Variants in EIF5B observed in about 807,000 individuals in gnomAD.
The protein encoded by EIF5B is eIF-5B.
In EIF5B, 47 loss-of-function variants were observed where a neutral mutation model predicts 147.5. The ratio of observed to expected loss-of-function variants is 0.32; its 90% CI spans 0.25 to 0.41. The LOEUF is 0.41. Ranked by LOEUF, EIF5B falls within the 10% of genes least tolerant of loss-of-function variation. The probability of loss-of-function intolerance (pLI) is 1.00; values close to 1 mark genes in which losing one functional copy is unlikely to be tolerated. For missense variants in EIF5B, 1,064 were observed against 1,413.2 expected, an observed-to-expected ratio of 0.75 and a Z score of 3.96; for synonymous variants, 455 against 456.2, an observed-to-expected ratio of 1.00 and a Z score of 0.03.
chr2:99,376,479 G>T lies in EIF5B; in HGVS notation c.1685G>T (p.Gly562Val). ...EEEGESEGSE[G>V]DEEDEKVSDE... is the part of the protein sequence containing the mutation. The stretch of plus-strand genomic sequence containing the variant: ...GAGGGAGAAAGTGAAGGCAGTGAAG[G>T]TGATGAGGAAGATGAAAAGGTGTCA... Residue 562 changes from glycine to valine, a missense_variant, in exon 10 of 24, where the codon GGT becomes GTT. This residue lies in a region of EIF5B where 195 missense variants were observed against 186.3 expected (regional missense o/e 1.05). Transcript: ENST00000289371. 6.2e-7 allele frequency: 1 copy of T among 1,611,600 alleles called. No individual in the cohort carries two copies. The highest frequency in any genetic ancestry group is 8.5e-7 in the Non-Finnish European group (1 of 1,177,818).
chr2:99,358,592 C>T (rs1334307266), intron 1 of EIF5B, among the ~76,000 whole-genome samples: 2 of 152,184 alleles, frequency 1.3e-5, no homozygotes, highest in African/African-American at 2.4e-5. Flanking sequence ...TGGCTTCCCC[C>T]TCAGTTTCTG....
Position 99,359,747 on chromosome 2 carries a change from G to C in EIF5B, c.36-489G>C, listed in dbSNP as rs147825165. 9.9e-4 allele frequency among the ~76,000 whole-genome samples: 150 copies of C among 152,232 alleles called. 3 individuals are homozygous for C. The East Asian group carries it at 0.027, about 28-fold the overall frequency. ...GGACATTCAATCCTTGTGCATTTTA[G>C]TTTTCCCATTGGTAAAATGAGATAA... On this transcript the variant is annotated intron_variant, in intron 1 of 23. Transcript: ENST00000289371.
intron 1 of EIF5B, among the ~76,000 whole-genome samples, chr2:99,343,103 G>A (rs2094264189): frequency 6.6e-6 from 1 of 151,580 alleles, no homozygotes; most frequent in African/African-American, 2.4e-5. Flanking sequence ...TGGGACTACA[G>A]TGCCACCATG....
chr2:99,348,141 G>A (rs779242702), intron 1 of EIF5B, among the ~76,000 whole-genome samples: 8 of 152,136 alleles, frequency 5.3e-5, no homozygotes, highest in Non-Finnish European at 1.0e-4. Context: ...CAGATATTTA[G>A]AAAATAAAGG....
chr2:99,358,987 A>G (rs1240781225), intron 1 of EIF5B, among the ~76,000 whole-genome samples: 7 of 152,218 alleles, frequency 4.6e-5, no homozygotes, highest in Admixed American at 3.9e-4. Flanking sequence ...CCTTAAGGCT[A>G]AATTCTATAT....
Position 99,400,934 on chromosome 2 carries a change from G to A in EIF5B, c.*1520G>A, listed in dbSNP as rs1199660010. On this transcript the variant is annotated 3_prime_UTR_variant, in exon 24 of 24. Transcript: ENST00000289371. ...TGAGTTTTTAAGGATTCACAAAAAG[G>A]AGCCTGTACAAAATATACATACAGT... The A allele has an allele frequency of 6.0e-6, 1 of 167,766 alleles. No individual in the cohort carries two copies. The highest frequency in any genetic ancestry group is 1.3e-5 in the Non-Finnish European group (1 of 78,116). 10.4% of individuals were successfully genotyped at this position (167,766 alleles called of 1,614,324 possible).
At chr2:99,385,139 C>T (rs575677639) in intron 14 of EIF5B, among the ~76,000 whole-genome samples, 33 of 152,220 alleles carry the variant, frequency 2.2e-4, no homozygotes, top group African/African-American at 6.0e-4. Context: ...CTCTGCCTTC[C>T]GGGTTCAAGC....
At chr2:99,381,550 T>TGTGA (rs1420166760) in intron 12 of EIF5B, among the ~76,000 whole-genome samples, 1 of 151,780 alleles carries the variant, frequency 6.6e-6, no homozygotes, top group African/African-American at 2.4e-5. Context: ...TGTGTGTGTG[T>TGTGA]GTGAAATTAG....
rs775072069 is a variant in EIF5B at position 99,361,342 on chromosome 2, T to A, written c.441T>A (p.Pro147=). ...ATGATGATGATTTTAACAAACTTCC[T>A]AAAAAAGCTAAAGGGAAAGCTCAAA... ...SDDDDDFNKL[P]KKAKGKAQKS... Residue 147 remains proline (P), a synonymous_variant, in exon 4 of 24, where the codon CCT becomes CCA. Coordinates refer to ENST00000289371, the MANE Select transcript of EIF5B (RefSeq NM_015904.4). 1 of 1,610,324 alleles carries A rather than the reference T, an allele frequency of 6.2e-7. No individual in the cohort carries two copies. Among genetic ancestry groups the A allele is most frequent in the Admixed American group, 1.7e-5 (1 of 59,300 alleles).
intron 1 of EIF5B, among the ~76,000 whole-genome samples, chr2:99,341,741 A>C (rs755328941): frequency 6.6e-6 from 1 of 152,260 alleles, no homozygotes; most frequent in Non-Finnish European, 1.5e-5. Flanking sequence ...TTAATTTAAA[A>C]ATAAAAATAA....
In EIF5B at chr2:99,378,338, G is replaced by T. The variant is rs191018577; in HGVS notation, c.1843-681G>T. On this transcript the variant is annotated intron_variant, in intron 10 of 23. Transcript: ENST00000289371. ...GAGGTCATTTCAAAGAAAACCTATT[G>T]CTGGCATGTGTTTTTGGTCCTCAGA... 1.3e-3 allele frequency among the ~76,000 whole-genome samples: 203 copies of T among 152,258 alleles called. 1 individual carries two copies. The highest frequency in any genetic ancestry group is 4.4e-3 in the Admixed American group (67 of 15,288).
chr2:99,339,911 T>TTTGTTG (rs370542589), intron 1 of EIF5B, among the ~76,000 whole-genome samples: 5 of 152,034 alleles, frequency 3.3e-5, no homozygotes, highest in African/African-American at 7.3e-5. Flanking sequence ...TAATCTGTGT[T>TTTGTTG]TTGTTGTTGT....
At chr2:99,367,546 C>A (rs181128058) in intron 6 of EIF5B, among the ~76,000 whole-genome samples, 74 of 151,836 alleles carry the variant, frequency 4.9e-4, no homozygotes, top group African/African-American at 1.7e-3. Flanking sequence ...AAGTGATTCT[C>A]CTGCCTCAGC....
chr2:99,380,974 A>G (rs1390856711), intron 12 of EIF5B, among the ~76,000 whole-genome samples: 1 of 152,208 alleles, frequency 6.6e-6, no homozygotes, highest in African/African-American at 2.4e-5. Context: ...ATTCTCGCAT[A>G]AAGTATTGCT....
intron 1 of EIF5B, among the ~76,000 whole-genome samples, chr2:99,353,302 C>T (rs915511953): frequency 4.0e-5 from 6 of 151,046 alleles, no homozygotes; most frequent in East Asian, 1.9e-4. Flanking sequence ...CGTGAGCCCC[C>T]GCGTCTGGCC....
chr2:99,341,276 T>C (rs1294550033), intron 1 of EIF5B, among the ~76,000 whole-genome samples: 2 of 152,226 alleles, frequency 1.3e-5, no homozygotes, highest in African/African-American at 4.8e-5. Flanking sequence ...TCTGCATAAA[T>C]TACATCAAAA....
chr2:99,398,670 A>T (rs1392087587), intron 22 of EIF5B, 78 bp from the exon 23 acceptor site: 9 of 1,429,776 alleles, frequency 6.3e-6, no homozygotes, highest in Admixed American at 2.3e-5. Flanking sequence ...TCTAGTTCTT[A>T]CTTCAGCTAT....
intron 14 of EIF5B, among the ~76,000 whole-genome samples, chr2:99,383,151 G>T (rs1343779791): frequency 6.6e-6 from 1 of 151,534 alleles, no homozygotes; most frequent in Non-Finnish European, 1.5e-5. Flanking sequence ...TAAGTCTGTT[G>T]GTGCCATTTT....
At chr2:99,385,449 A>G (rs1490635489) in intron 14 of EIF5B, among the ~76,000 whole-genome samples, 1 of 152,214 alleles carries the variant, frequency 6.6e-6, no homozygotes, top group East Asian at 1.9e-4. Flanking sequence ...ATGAGCTACC[A>G]TCCTAATCAG....
Sources: allele counts gnomAD v4.1 joint callset (sites outside exome capture counted in the v4.1 genomes callset), GRCh38; gene constraint gnomAD v4.1.1; regional missense constraint gnomAD v4.1.1; transcripts MANE v1.5; gene names NCBI Gene and HGNC (gene_info 2026-07-23, HGNC 2026-07-21).